Variants in IP6K2 observed in about 807,000 individuals in gnomAD.
The protein encoded by IP6K2 is inositol hexakisphosphate kinase 2.
In IP6K2, 9 loss-of-function variants were observed where a neutral mutation model predicts 43.3. The ratio of observed to expected loss-of-function variants is 0.21; its 90% confidence interval spans 0.13 to 0.36. The LOEUF (loss-of-function observed/expected upper bound fraction) is 0.36. IP6K2 is among the 10% of genes least tolerant of loss of function. IP6K2 has a pLI of 1.00. For synonymous variants in IP6K2, 209 were observed against 202.4 expected (o/e 1.03, Z -0.28); for missense variants, 332 against 538.4 (o/e 0.62, Z 3.79).
intron 1 of IP6K2, among the ~76,000 whole-genome samples, chr3:48,700,414 C>T (rs73080312): frequency 0.061 from 9,273 of 152,160 alleles, 400 homozygotes; most frequent in Non-Finnish European, 0.091. Context: ...TTAATGGTTA[C>T]GATAAAGCCC....
intron 1 of IP6K2, among the ~76,000 whole-genome samples, chr3:48,703,069 A>G (rs1335957578): frequency 3.9e-5 from 6 of 152,240 alleles, no homozygotes; most frequent in African/African-American, 1.2e-4. Context: ...CTTTGCATTT[A>G]TTATTTTCCA....
chr3:48,707,328 A>T (rs892167108), intron 1 of IP6K2, among the ~76,000 whole-genome samples: 1 of 152,222 alleles, frequency 6.6e-6, no homozygotes, highest in African/African-American at 2.4e-5. Context: ...TCGTACTCAG[A>T]GCTTCACTCC....
Position 48,692,900 on chromosome 3 carries a change from C to A in IP6K2, c.428+54G>T, listed in dbSNP as rs1289945252. 24 of 1,362,482 alleles carry A rather than the reference C, an allele frequency of 1.8e-5. No individual in the cohort carries two copies. The East Asian group carries it at 3.4e-4, about 19-fold the overall frequency. 84.4% of individuals were successfully genotyped at this position (1,362,482 alleles called of 1,614,324 possible). A position where few individuals can be genotyped will look rare whatever the true frequency, so the allele number is the denominator to read the frequency against. On this transcript the variant is annotated intron_variant, in intron 3 of 5. Coordinates refer to ENST00000328631, the MANE Select transcript of IP6K2 (RefSeq NM_016291.4). ...CCAGGGAACTGGGCTGTAACCAAAACCCCCAACACTTCCCCTCCCACATAG... is the reference window on the plus strand; with the variant it reads ...CCAGGGAACTGGGCTGTAACCAAAAACCCCAACACTTCCCCTCCCACATAG...
At chr3:48,689,759 G>C in intron 4 of IP6K2, 46 bp from the exon 5 acceptor site, 1 of 1,552,376 alleles carries the variant, frequency 6.4e-7, no homozygotes, top group Non-Finnish European at 8.9e-7. Context: ...GCTACTGCAT[G>C]GGTCCTTGGC....
intron 1 of IP6K2, chr3:48,715,194 G>T: frequency 9.9e-7 from 1 of 1,007,040 alleles, no homozygotes; most frequent in Non-Finnish European, 1.5e-6. Flanking sequence ...ACTTTCTAAT[G>T]TATAAGAGTG....
At chr3:48,693,731 C>A in intron 2 of IP6K2, 5 of 1,043,346 alleles carry the variant, frequency 4.8e-6, no homozygotes, top group Non-Finnish European at 5.8e-6. Flanking sequence ...AAAGGCTTCC[C>A]ACAGTGCCCC....
At chr3:48,710,766 C>T (rs924589384) in intron 1 of IP6K2, among the ~76,000 whole-genome samples, 1 of 152,074 alleles carries the variant, frequency 6.6e-6, no homozygotes, top group Non-Finnish European at 1.5e-5. Flanking sequence ...GCCACCACCA[C>T]GCCCGGCTAA....
At chr3:48,705,930 G>C (rs2079705174) in intron 1 of IP6K2, among the ~76,000 whole-genome samples, 1 of 150,826 alleles carries the variant, frequency 6.6e-6, no homozygotes, top group Non-Finnish European at 1.5e-5. Context: ...AGAAGGACAG[G>C]CATAGTGGCT....
intron 1 of IP6K2, among the ~76,000 whole-genome samples, chr3:48,702,877 G>A (rs2079224475): frequency 6.6e-6 from 1 of 152,126 alleles, no homozygotes; most frequent in African/African-American, 2.4e-5. Context: ...TCCACAAAAT[G>A]TGCCTCAAAT....
Position 48,689,884 on chromosome 3 carries a change from G to A in IP6K2, c.605-171C>T, listed in dbSNP as rs182509641. On this transcript the variant is annotated intron_variant, in intron 4 of 5. Transcript: ENST00000328631. ...AGTCCAGAGCTGACTATAAAGCTAA[G>A]AGACACCTTTACTTCTTGTCAGGGA... Among the ~76,000 whole-genome samples, 29 of 152,282 alleles carry A rather than the reference G, an allele frequency of 1.9e-4. No individual in the cohort carries two copies. The East Asian group carries it at 3.9e-3, about 20-fold the overall frequency.
intron 1 of IP6K2, among the ~76,000 whole-genome samples, chr3:48,697,479 T>G (rs1337551951): frequency 2.2e-5 from 3 of 139,154 alleles, no homozygotes; most frequent in African/African-American, 8.0e-5. Flanking sequence ...GCACCCACCA[T>G]GCCTGGCTAT....
intron 3 of IP6K2, among the ~76,000 whole-genome samples, chr3:48,692,357 T>C (rs2077874839): frequency 6.6e-6 from 1 of 152,220 alleles, no homozygotes; most frequent in Non-Finnish European, 1.5e-5. Flanking sequence ...CAGCCCTGTA[T>C]GTGGAGAGCC....
chr3:48,689,182 T>G (rs531941423), intron 5 of IP6K2, among the ~76,000 whole-genome samples: 2 of 152,282 alleles, frequency 1.3e-5, no homozygotes, highest in Admixed American at 1.3e-4. Flanking sequence ...TTTGAGACAG[T>G]CTCGCCGTCG....
chr3:48,710,190 C>T lies in IP6K2; in HGVS notation c.-131+6967G>A, dbSNP rs765132858. On this transcript the variant is annotated intron_variant, in intron 1 of 5. Coordinates refer to ENST00000328631, the MANE Select transcript of IP6K2 (RefSeq NM_016291.4). Reference sequence around the variant, plus strand: ...TTGCTAGAGCTCAGAAGTTTGAGACCAGCCTGGGCAACACAGTGAGACCCT... The same window carrying T: ...TTGCTAGAGCTCAGAAGTTTGAGACTAGCCTGGGCAACACAGTGAGACCCT... Among the ~76,000 whole-genome samples, 4 of 152,194 alleles carry T rather than the reference C, an allele frequency of 2.6e-5. No individual in the cohort carries two copies. In the South Asian group the frequency reaches 8.3e-4, roughly 32 times the overall value.
At chr3:48,700,801 G>A (rs1312701174) in intron 1 of IP6K2, among the ~76,000 whole-genome samples, 1 of 152,126 alleles carries the variant, frequency 6.6e-6, no homozygotes, top group African/African-American at 2.4e-5. Flanking sequence ...AAAAGCCCCA[G>A]GGTCAGGCAG....
intron 1 of IP6K2, chr3:48,716,361 G>A (rs905323521): frequency 4.6e-5 from 7 of 152,144 alleles, no homozygotes; most frequent in African/African-American, 1.7e-4. Context: ...TCCAAGCAGT[G>A]ACTAGTTCTG....
Position 48,695,058 on chromosome 3 carries a change from G to C in IP6K2, c.202+32C>G, listed in dbSNP as rs1258300524. The stretch of plus-strand genomic sequence containing the variant: ...CACGATCTCTCACATCTCCTCGCCA[G>C]TGTGGCAACCCCTCCAGCAGCTGGG... On this transcript the variant is annotated intron_variant, in intron 2 of 5. Transcript: ENST00000328631. The surrounding 1 kb of genome is among the most constrained non-coding windows in gnomAD (Gnocchi z 4.6). The C allele has an allele frequency of 1.2e-6, 2 of 1,614,160 alleles. No individual in the cohort carries two copies. The highest frequency in any genetic ancestry group is 1.7e-5 in the Admixed American group (1 of 60,022).
chr3:48,702,711 C>G lies in IP6K2; in HGVS notation c.-130-7290G>C, dbSNP rs141803014. On this transcript the variant is annotated intron_variant, in intron 1 of 5. Transcript: ENST00000328631. ...TTTATTTTCTCCTCAGCACTTATCA[C>G]CGTCTGACATACTCTACGTTTCTTA... is the stretch of plus-strand genomic sequence containing the variant. Among the ~76,000 whole-genome samples the G allele has an allele frequency of 6.2e-4, 95 of 152,300 alleles. 1 individual carries two copies. The highest frequency in any genetic ancestry group is 2.2e-3 in the African/African-American group (93 of 41,556).
chr3:48,695,676 C>T lies in IP6K2; in HGVS notation c.-130-255G>A, dbSNP rs1196624450. ...CCCTAAAAAGGCAGAGGTCCCACTA[C>T]GGTGTTAGAAAGCCACTGCCGCAGG... On this transcript the variant is annotated intron_variant, in intron 1 of 5. Coordinates refer to ENST00000328631, the MANE Select transcript of IP6K2 (RefSeq NM_016291.4). The surrounding 1 kb of genome is among the most constrained non-coding windows in gnomAD (Gnocchi z 4.6). The T allele has an allele frequency of 2.7e-6, 1 of 376,466 alleles. No individual in the cohort carries two copies. Among genetic ancestry groups the T allele is most frequent in the Non-Finnish European group, 4.6e-6 (1 of 215,898 alleles). 23.3% of individuals were successfully genotyped at this position (376,466 alleles called of 1,614,324 possible). A position where few individuals can be genotyped will look rare whatever the true frequency, so the allele number is the denominator to read the frequency against.
Sources: allele counts gnomAD v4.1 joint callset (sites outside exome capture counted in the v4.1 genomes callset), GRCh38; gene constraint gnomAD v4.1.1; non-coding constraint Gnocchi (gnomAD v3.1); transcripts MANE v1.5; gene names NCBI Gene and HGNC (gene_info 2026-07-23, HGNC 2026-07-21).